Variants in CDK19 observed in about 807,000 individuals in gnomAD.
CDK19 encodes the protein cyclin dependent kinase 19, also known as cyclin-dependent kinase 19.
CDK19 carries 20 observed loss-of-function variants against 68.3 expected under a neutral mutation model. That is an observed-to-expected ratio of 0.29 (90% CI 0.21 to 0.43). CDK19 has a LOEUF of 0.43. Among genes scored for constraint, CDK19 ranks in the 20% least tolerant of loss-of-function variants. The pLI is 1.00. For synonymous variants in CDK19, 221 were observed against 222.8 expected (o/e 0.99, Z 0.07); for missense variants, 339 against 623.5 (o/e 0.54, Z 4.86).
intron 1 of CDK19, among the ~76,000 whole-genome samples, chr6:110,782,075 A>C (rs752208624): frequency 6.6e-6 from 1 of 152,226 alleles, no homozygotes; most frequent in Non-Finnish European, 1.5e-5. Context: ...TAAAAGAAAC[A>C]ATTAGAGATA....
intron 2 of CDK19, among the ~76,000 whole-genome samples, chr6:110,727,230 C>T (rs1776375673): frequency 2.0e-5 from 3 of 152,114 alleles, no homozygotes; most frequent in Admixed American, 1.3e-4. Flanking sequence ...TAACTAGTAA[C>T]TAACCACCCA....
At chr6:110,767,838 G>C (rs1215884754) in intron 1 of CDK19, among the ~76,000 whole-genome samples, 1 of 152,132 alleles carries the variant, frequency 6.6e-6, no homozygotes, top group East Asian at 1.9e-4. Context: ...AATTTGGGAA[G>C]TTAGACTTGA....
intron 1 of CDK19, among the ~76,000 whole-genome samples, chr6:110,793,000 T>A (rs1408312641): frequency 2.6e-5 from 4 of 152,218 alleles, no homozygotes; most frequent in Non-Finnish European, 5.9e-5. Flanking sequence ...ACAGAGAGAT[T>A]ATTTAACTAC....
At chr6:110,657,070 T>C (rs757374474) in intron 4 of CDK19, among the ~76,000 whole-genome samples, 2 of 152,168 alleles carry the variant, frequency 1.3e-5, no homozygotes, top group African/African-American at 4.8e-5. Flanking sequence ...ATGTCAGAGA[T>C]AGAAATTCTC....
chr6:110,656,222 G>A (rs781546060), intron 4 of CDK19, among the ~76,000 whole-genome samples: 2 of 152,120 alleles, frequency 1.3e-5, no homozygotes, highest in Non-Finnish European at 2.9e-5. Context: ...GGAAGGGATC[G>A]TATTCATTAA....
intron 1 of CDK19, among the ~76,000 whole-genome samples, chr6:110,786,534 C>T (rs1089645): frequency 0.33 from 49,945 of 151,868 alleles, 9,385 homozygotes; most frequent in East Asian, 0.68. Context: ...CCTTCTAGAC[C>T]TTCATGATGT....
chr6:110,773,569 A>T (rs1780189389), intron 1 of CDK19, among the ~76,000 whole-genome samples: 1 of 152,126 alleles, frequency 6.6e-6, no homozygotes, highest in Non-Finnish European at 1.5e-5. Flanking sequence ...GGTCTGAGAA[A>T]ATTACATGGT....
chr6:110,707,257 A>G (rs1487340359), intron 2 of CDK19, among the ~76,000 whole-genome samples: 2 of 152,024 alleles, frequency 1.3e-5, no homozygotes, highest in African/African-American at 4.8e-5. Context: ...AACCACTGGA[A>G]CCCGGAAGGC....
At chr6:110,804,325 G>C (rs1782528470) in intron 1 of CDK19, among the ~76,000 whole-genome samples, 1 of 151,988 alleles carries the variant, frequency 6.6e-6, no homozygotes, top group Non-Finnish European at 1.5e-5. Flanking sequence ...ACATATTATA[G>C]TTCAAGTTAA....
rs763542447 is a variant in CDK19 at position 110,613,432 on chromosome 6, A to C, written c.*1103T>G. The C allele has an allele frequency of 2.0e-5, 3 of 152,628 alleles. No homozygotes were observed. Among genetic ancestry groups the C allele is most frequent in the Non-Finnish European group, 4.4e-5 (3 of 68,030 alleles). 9.5% of individuals were successfully genotyped at this position (152,628 alleles called of 1,614,324 possible). ...TTTTTAACATGCTTTAAAAATAGTCACTCTATATCTAATACAAATACGAAT... is the reference window on the plus strand; with the variant it reads ...TTTTTAACATGCTTTAAAAATAGTCCCTCTATATCTAATACAAATACGAAT... On this transcript the variant is annotated 3_prime_UTR_variant, in exon 13 of 13. Transcript: ENST00000368911.
chr6:110,791,228 G>C (rs1472714387), intron 1 of CDK19, among the ~76,000 whole-genome samples: 3 of 151,552 alleles, frequency 2.0e-5, no homozygotes, highest in African/African-American at 7.3e-5. Flanking sequence ...TAGAACACTG[G>C]TTCTGATCTG....
At chr6:110,716,584 CTTTCTAG>C (rs1485434866) in intron 2 of CDK19, among the ~76,000 whole-genome samples, 2 of 152,146 alleles carry the variant, frequency 1.3e-5, no homozygotes, top group Non-Finnish European at 2.9e-5. Flanking sequence ...ATTAAATAAT[CTTTCTAG>C]AATATTCAAA....
Position 110,650,563 on chromosome 6 carries a change from A to G in CDK19, c.457-11857T>C, listed in dbSNP as rs73524683. Among the ~76,000 whole-genome samples, 1,370 of 152,330 alleles carry G rather than the reference A, an allele frequency of 9.0e-3. 22 individuals are homozygous for G. The highest frequency in any genetic ancestry group is 0.032 in the African/African-American group (1,314 of 41,574). On this transcript the variant is annotated intron_variant, in intron 4 of 12. Transcript: ENST00000368911. ...ATTGTTGGGAGTGGGATGGGAGGGT[A>G]TAATTGTCAGCATTATTTAAGCATT...
chr6:110,788,189 C>G (rs901589086), intron 1 of CDK19, among the ~76,000 whole-genome samples: 6 of 151,770 alleles, frequency 4.0e-5, no homozygotes, highest in Admixed American at 2.0e-4. Flanking sequence ...GAGACAGGCT[C>G]TTGATCTGAT....
At chr6:110,723,135 C>CAA (rs760048229) in intron 2 of CDK19, among the ~76,000 whole-genome samples, 3,214 of 64,868 alleles carry the variant, frequency 0.05, 250 homozygotes, top group African/African-American at 0.11. Context: ...AAGGCTTTGT[C>CAA]AAAAAAAACA....
chr6:110,746,076 A>G (rs749883080), intron 2 of CDK19, 50 bp downstream of exon 2: 3 of 884,590 alleles, frequency 3.4e-6, no homozygotes, highest in African/African-American at 1.7e-5. Context: ...AAAATAAATC[A>G]TCACCCAATA....
intron 1 of CDK19, among the ~76,000 whole-genome samples, chr6:110,761,773 TTG>T (rs1438626056): frequency 1.3e-5 from 2 of 152,214 alleles, no homozygotes; most frequent in African/African-American, 4.8e-5. Context: ...TACTTTACTT[TTG>T]TCTTTCCAAC....
At chr6:110,731,138 AAAAG>A in intron 2 of CDK19, among the ~76,000 whole-genome samples, 1 of 144,162 alleles carries the variant, frequency 6.9e-6, no homozygotes, top group East Asian at 1.9e-4. Context: ...AAGAAAAGAA[AAAAG>A]AAAAGAAAAG....
In CDK19 at chr6:110,815,206, C is replaced by G. The variant is rs1029648666; in HGVS notation, c.-70G>C. The G allele has an allele frequency of 1.4e-6, 2 of 1,445,556 alleles. No homozygotes were observed. The highest frequency in any genetic ancestry group is 1.5e-5 in the African/African-American group (1 of 68,160). The allele number at this position is 1,445,556 out of a possible 1,614,324, so 89.5% of individuals were successfully genotyped here. Reference sequence around the variant, plus strand: ...GCTCAGTCCCTCCTCCTCCTCCCCCCGCGACCGCCGCTCCACTTCTCCAAC... The same window carrying G: ...GCTCAGTCCCTCCTCCTCCTCCCCCGGCGACCGCCGCTCCACTTCTCCAAC... On this transcript the variant is annotated 5_prime_UTR_variant, in exon 1 of 13. Transcript: ENST00000368911.
Sources: gnomAD v4.1 joint callset for allele counts (sites outside exome capture counted in the v4.1 genomes callset) on GRCh38, gnomAD v4.1.1 for gene constraint, MANE v1.5 for transcripts, NCBI Gene and HGNC (gene_info 2026-07-23, HGNC 2026-07-21) for gene names.